GRM5: variants seen among roughly 807,000 people sequenced by gnomAD.
GRM5 encodes metabotropic glutamate receptor 5.
In GRM5, 19 loss-of-function variants were observed where a neutral mutation model predicts 83.1. The ratio of observed to expected loss-of-function variants is 0.23; its 90% CI spans 0.16 to 0.34. The LOEUF is 0.34. Among genes scored for constraint, GRM5 ranks in the 10% least tolerant of loss-of-function variants. GRM5 has a pLI of 1.00. For missense variants in GRM5, 1,160 were observed against 1,588.3 expected (o/e 0.73, Z 4.58); for synonymous variants, 675 against 633.6 (o/e 1.07, Z -0.98).
At chr11:88,563,985 A>T (rs1157966779) in intron 8 of GRM5, among the ~76,000 whole-genome samples, 1 of 152,184 alleles carries the variant, frequency 6.6e-6, no homozygotes, top group Non-Finnish European at 1.5e-5. Flanking sequence ...TTTAGTTTGC[A>T]TCTCTTTCTA....
chr11:88,660,398 G>A (rs1939873793), intron 3 of GRM5, among the ~76,000 whole-genome samples: 1 of 152,034 alleles, frequency 6.6e-6, no homozygotes, highest in African/African-American at 2.4e-5. Context: ...TATACAATGG[G>A]CATGGATTTT....
intron 2 of GRM5, among the ~76,000 whole-genome samples, chr11:88,863,481 A>G (rs1944605937): frequency 6.6e-6 from 1 of 152,146 alleles, no homozygotes; most frequent in Non-Finnish European, 1.5e-5. Context: ...CTAAGCTGGA[A>G]GCCATTATCC....
At chr11:88,970,081 T>C (rs747077163) in intron 2 of GRM5, among the ~76,000 whole-genome samples, 16 of 152,184 alleles carry the variant, frequency 1.1e-4, no homozygotes, top group Non-Finnish European at 1.9e-4. Context: ...AGTGACCTTA[T>C]TCAGTGTACA....
intron 9 of GRM5, among the ~76,000 whole-genome samples, chr11:88,520,083 C>T (rs112639307): frequency 2.4e-3 from 363 of 152,204 alleles, no homozygotes; most frequent in Non-Finnish European, 4.3e-3. Context: ...TTTCCCTGAT[C>T]CTCATTTTCC....
rs1195761481 is a variant in GRM5 at position 88,833,095 on chromosome 11, A to G, written c.911+16811T>C. Among the ~76,000 whole-genome samples, 9 of 152,180 alleles carry G rather than the reference A, an allele frequency of 5.9e-5. No homozygotes were observed. The East Asian group carries it at 1.7e-3, about 29-fold the overall frequency. On this transcript the variant is annotated intron_variant, in intron 3 of 9. Coordinates refer to ENST00000305447, the MANE Select transcript of GRM5 (RefSeq NM_001143831.3). ...AAGACCTAAAAAACACAGACAACAA[A>G]AACAAAAATAAACAAATGGGATTGT...
chr11:89,042,331 T>A (rs1400713579), intron 2 of GRM5, among the ~76,000 whole-genome samples: 1 of 152,154 alleles, frequency 6.6e-6, no homozygotes, highest in African/African-American at 2.4e-5. Context: ...ACCTGACTAA[T>A]AATCTCCAGC....
chr11:88,979,156 T>C (rs1591015090), intron 2 of GRM5, among the ~76,000 whole-genome samples: 1 of 152,112 alleles, frequency 6.6e-6, no homozygotes, highest in African/African-American at 2.4e-5. Flanking sequence ...CACAGGCAGG[T>C]GAAAGGAGAA....
chr11:89,024,145 G>A (rs924730846), intron 2 of GRM5, among the ~76,000 whole-genome samples: 1 of 152,092 alleles, frequency 6.6e-6, no homozygotes, highest in African/African-American at 2.4e-5. Flanking sequence ...GAACCTGGGA[G>A]GCAGAGGTCG....
In GRM5 at chr11:88,888,762, T is replaced by G. The variant is rs202239931; in HGVS notation, c.662-38607A>C. Among the ~76,000 whole-genome samples, 4 of 152,310 alleles carry G rather than the reference T, an allele frequency of 2.6e-5. No homozygotes were observed. In the East Asian group the frequency reaches 5.8e-4, roughly 22 times the overall value. On this transcript the variant is annotated intron_variant, in intron 2 of 9. Coordinates refer to ENST00000305447, the MANE Select transcript of GRM5 (RefSeq NM_001143831.3). ...GATTTGTGAGGTTGGCCTTAAGTTG[T>G]AGACAATCTGGTGTGCTTTGTGTGT...
intron 3 of GRM5, among the ~76,000 whole-genome samples, chr11:88,788,968 C>A (rs1943122501): frequency 6.6e-6 from 1 of 152,076 alleles, no homozygotes; most frequent in Non-Finnish European, 1.5e-5. Flanking sequence ...TAGAGGGCAG[C>A]AATGTTCTCA....
chr11:88,595,595 G>A (rs1239977957), intron 6 of GRM5, among the ~76,000 whole-genome samples: 1 of 152,088 alleles, frequency 6.6e-6, no homozygotes, highest in East Asian at 1.9e-4. Context: ...CTTTGTTATG[G>A]TTTAATAGTA....
intron 3 of GRM5, among the ~76,000 whole-genome samples, chr11:88,825,088 G>T (rs367704238): frequency 1.3e-5 from 2 of 152,024 alleles, no homozygotes; most frequent in Non-Finnish European, 2.9e-5. Flanking sequence ...TAGTGCCTTG[G>T]TCTGCCGTGT....
At chr11:88,708,400 C>T (rs1388276445) in intron 3 of GRM5, among the ~76,000 whole-genome samples, 2 of 151,978 alleles carry the variant, frequency 1.3e-5, no homozygotes, top group Non-Finnish European at 2.9e-5. Context: ...TTGTAGACAT[C>T]TCACATTTTG....
At chr11:89,028,718 C>T (rs1271817004) in intron 2 of GRM5, among the ~76,000 whole-genome samples, 1 of 152,096 alleles carries the variant, frequency 6.6e-6, no homozygotes, top group Non-Finnish European at 1.5e-5. Flanking sequence ...AGGAAAGATG[C>T]CTCAGTACAT....
At chr11:88,841,413 A>T (rs1274986657) in intron 3 of GRM5, among the ~76,000 whole-genome samples, 2 of 152,172 alleles carry the variant, frequency 1.3e-5, no homozygotes, top group Non-Finnish European at 2.9e-5. Flanking sequence ...CTTTTGAGTA[A>T]GTCATCCTTT....
intron 3 of GRM5, among the ~76,000 whole-genome samples, chr11:88,802,349 A>G (rs556374222): frequency 1.1e-4 from 17 of 152,222 alleles, no homozygotes; most frequent in Non-Finnish European, 2.4e-4. Flanking sequence ...GTGTATACAT[A>G]GTATTCTGCC....
chr11:88,798,358 T>C (rs372601580), intron 3 of GRM5, among the ~76,000 whole-genome samples: 44 of 152,338 alleles, frequency 2.9e-4, no homozygotes, highest in African/African-American at 9.4e-4. Context: ...ATATTTGCTA[T>C]GTGTAAAGCA....
chr11:88,569,926 AG>A (rs1023389223), intron 7 of GRM5, among the ~76,000 whole-genome samples: 5 of 152,194 alleles, frequency 3.3e-5, no homozygotes, highest in African/African-American at 1.2e-4. Flanking sequence ...ACTGGGAGGT[AG>A]GGGAGGCAAC....
intron 3 of GRM5, among the ~76,000 whole-genome samples, chr11:88,797,697 T>C (rs1426338434): frequency 1.3e-5 from 2 of 152,186 alleles, no homozygotes; most frequent in Non-Finnish European, 2.9e-5. Context: ...TGTTGGATTC[T>C]CTTACCTGTC....
Sources: gnomAD v4.1 joint callset for allele counts (sites outside exome capture counted in the v4.1 genomes callset) on GRCh38, gnomAD v4.1.1 for gene constraint, MANE v1.5 for transcripts, NCBI Gene and HGNC (gene_info 2026-07-23, HGNC 2026-07-21) for gene names.